Variants in MZT2B observed in about 807,000 individuals in gnomAD.
The protein encoded by MZT2B is mitotic-spindle organizing protein 2B.
Under a neutral mutation model 12.1 loss-of-function variants are expected in MZT2B, and 11 were observed. The ratio of observed to expected loss-of-function variants is 0.91; its 90% confidence interval spans 0.57 to 1.50. MZT2B has a LOEUF of 1.50. Among genes scored for constraint, MZT2B ranks in the 40% most tolerant of loss-of-function variants. The probability of loss-of-function intolerance (pLI) is 0.00; values close to 1 mark genes in which losing one functional copy is unlikely to be tolerated. For missense variants in MZT2B, 209 were observed against 227.7 expected (o/e 0.92, Z 0.53); for synonymous variants, 85 against 109.5 (o/e 0.78, Z 1.40).
intron 2 of MZT2B, chr2:130,183,643 G>A: frequency 7.3e-7 from 1 of 1,376,472 alleles, no homozygotes; most frequent in Non-Finnish European, 1.0e-6. Flanking sequence ...GAGAAGGCGT[G>A]GAGAGCAGGC....
At chr2:130,182,572 G>C in intron 1 of MZT2B, 55 bp from the exon 2 acceptor site, 3 of 1,565,180 alleles carry the variant, frequency 1.9e-6, no homozygotes, top group Admixed American at 3.8e-5. Flanking sequence ...GGTCTTCAGG[G>C]AGGTGGCCGC....
chr2:130,197,128 C>T, the MZT2B span, among the ~76,000 whole-genome samples: 4 of 152,182 alleles, frequency 2.6e-5, no homozygotes, highest in East Asian at 1.9e-4. Context: ...CCCCTTGAAG[C>T]CTACGGGTGT....
At chr2:130,181,685 C>G, upstream of MZT2B, 1 of 1,548,340 alleles carries the variant, frequency 6.5e-7, no homozygotes, top group Non-Finnish European at 8.7e-7. Flanking sequence ...AAGGCGCGTG[C>G]GCAAAGCGAA....
At chr2:130,193,776 C>T (rs1483071659), downstream of MZT2B, 1 of 1,592,944 alleles carries the variant, frequency 6.3e-7, no homozygotes, top group African/African-American at 1.3e-5. Flanking sequence ...TCCATGTCAC[C>T]CAGTCATACC....
At chr2:130,203,048 C>CTTTTT in the MZT2B span, among the ~76,000 whole-genome samples, 11 of 118,522 alleles carry the variant, frequency 9.3e-5, no homozygotes, top group Non-Finnish European at 1.6e-4. Flanking sequence ...TTTCTTTTTT[C>CTTTTT]TTTTTTTTTT....
At chr2:130,182,944 G>T (rs1689833179) in intron 2 of MZT2B, 169 bp downstream of exon 2, 5 of 823,802 alleles carry the variant, frequency 6.1e-6, no homozygotes, top group Non-Finnish European at 9.2e-6. Flanking sequence ...TTCGCTGCCA[G>T]CCTTAGGAGG....
In MZT2B at chr2:130,185,081, G is replaced by A. The variant is rs574143440; in HGVS notation, c.319+2306G>A. On this transcript the variant is annotated intron_variant, in intron 2 of 2. Coordinates refer to ENST00000281871, the MANE Select transcript of MZT2B (RefSeq NM_025029.5). ...TCCCAGCACTTTGGGAGGCCGAGGC[G>A]GGCGGATCTCGAGGTCAGGAGATTG... Among the ~76,000 whole-genome samples the A allele has an allele frequency of 3.4e-3, 518 of 152,216 alleles. 10 individuals carry two copies. The highest frequency in any genetic ancestry group is 1.6e-3 in the Admixed American group (24 of 15,284).
At chr2:130,202,590 C>T in the MZT2B span, among the ~76,000 whole-genome samples, 824 of 150,284 alleles carry the variant, frequency 5.5e-3, 20 homozygotes, top group East Asian at 0.088. Context: ...AGCCTGGTTC[C>T]AGGGCCCCTG....
the MZT2B span, among the ~76,000 whole-genome samples, chr2:130,197,676 G>T: frequency 8.0e-6 from 1 of 125,448 alleles, no homozygotes; most frequent in Non-Finnish European, 1.8e-5. Flanking sequence ...GCGCCATCAC[G>T]ACTCACTGCA....
At position 130,190,392 on chromosome 2, in the gene MZT2B, C is replaced by T; in HGVS notation, c.320-77C>T. On this transcript the variant is annotated intron_variant, in intron 2 of 2. Coordinates refer to ENST00000281871, the MANE Select transcript of MZT2B (RefSeq NM_025029.5). ...GAAATGTGCAGACACAAATGTTGCCCAAGGACCACGAGTACAGCAGGTGCT... is the reference window on the plus strand; with the variant it reads ...GAAATGTGCAGACACAAATGTTGCCTAAGGACCACGAGTACAGCAGGTGCT... 5 of 1,581,598 alleles carry T rather than the reference C, an allele frequency of 3.2e-6. No homozygotes were observed. The South Asian group carries it at 4.5e-5, about 14-fold the overall frequency.
At chr2:130,199,172 A>G in the MZT2B span, among the ~76,000 whole-genome samples, 1 of 120,970 alleles carries the variant, frequency 8.3e-6, no homozygotes, top group African/African-American at 3.0e-5. Flanking sequence ...AGATTGGGCC[A>G]CAGCACACTC....
upstream of MZT2B, chr2:130,181,742 A>T: frequency 6.5e-7 from 1 of 1,547,934 alleles, no homozygotes; most frequent in Non-Finnish European, 8.7e-7. Context: ...AGTGCGGGGG[A>T]GGGAGTGGTC....
chr2:130,194,175 T>C (rs1690346542), downstream of MZT2B: 1 of 1,613,540 alleles, frequency 6.2e-7, no homozygotes, highest in South Asian at 1.1e-5. Flanking sequence ...TTGGTGTACG[T>C]GGGACGTTCA....
At chr2:130,184,367 CAG>C (rs1219061745) in intron 2 of MZT2B, 25 of 985,454 alleles carry the variant, frequency 2.5e-5, no homozygotes, top group Middle Eastern at 5.2e-4. Context: ...GAGGCTGAAA[CAG>C]AGACTCCCAC....
downstream of MZT2B, among the ~76,000 whole-genome samples, chr2:130,195,465 C>T (rs1690382353): frequency 6.6e-6 from 1 of 152,252 alleles, no homozygotes; most frequent in African/African-American, 2.4e-5. Flanking sequence ...TCAGCACGAC[C>T]AGTTCCCAGT....
intron 2 of MZT2B, chr2:130,184,622 A>G: frequency 1.0e-6 from 1 of 985,154 alleles, no homozygotes; most frequent in African/African-American, 1.7e-5. Context: ...GACCCAAGGG[A>G]GGGTGGAGAG....
the MZT2B span, chr2:130,196,198 G>A: frequency 6.2e-7 from 1 of 1,613,976 alleles, no homozygotes; most frequent in Non-Finnish European, 8.5e-7. Flanking sequence ...GCACGTGCTT[G>A]CCAGCTCCAG....
At chr2:130,184,230 T>C in intron 2 of MZT2B, 1 of 1,397,154 alleles carries the variant, frequency 7.2e-7, no homozygotes, top group Non-Finnish European at 9.3e-7. Flanking sequence ...GTGGTGAGTG[T>C]AAAGAGCCCC....
Position 130,182,398 on chromosome 2 carries a change from A to C in MZT2B, c.116A>C (p.Glu39Ala). Residue 39 changes from glutamate to alanine, a missense_variant, in exon 1 of 3, where the codon GAG becomes GCG. By Grantham distance (107) the Glu-to-Ala change is moderately radical. Coordinates refer to ENST00000281871, the MANE Select transcript of MZT2B (RefSeq NM_025029.5). ...AAGGTGCTGAGCACCGAGGAGATGG[A>C]GCTGTACGAGCTGGCGCAGGCGGCG... ...RKKVLSTEEM[E>A]LYELAQAAGG... The C allele has an allele frequency of 4.5e-6, 7 of 1,562,760 alleles. No individual in the cohort carries two copies. Among genetic ancestry groups the C allele is most frequent in the Non-Finnish European group, 6.0e-6 (7 of 1,157,396 alleles).
Sources: gnomAD v4.1 joint callset for allele counts (sites outside exome capture counted in the v4.1 genomes callset) on GRCh38, gnomAD v4.1.1 for gene constraint, MANE v1.5 for transcripts, NCBI Gene and HGNC (gene_info 2026-07-23, HGNC 2026-07-21) for gene names.